AXDND1: variants seen among roughly 807,000 people sequenced by gnomAD.
AXDND1 encodes axonemal dynein light chain domain containing 1.
In AXDND1, 110 loss-of-function variants were observed where a neutral mutation model predicts 137.5. That is an observed-to-expected ratio of 0.80 (90% CI 0.69 to 0.94). AXDND1 has a LOEUF of 0.94. AXDND1 is among the 40% of genes least tolerant of loss of function. The probability of loss-of-function intolerance (pLI) is 0.00; values close to 1 mark genes in which losing one functional copy is unlikely to be tolerated. For missense variants in AXDND1, 1,191 were observed against 1,169.8 expected (o/e 1.02, Z -0.26); for synonymous variants, 414 against 399.7 (o/e 1.04, Z -0.43).
chr1:179,408,073 A>G (rs180913702), intron 11 of AXDND1, among the ~76,000 whole-genome samples: 1 of 152,088 alleles, frequency 6.6e-6, no homozygotes, highest in Admixed American at 6.5e-5. Context: ...TGTATTTTTT[A>G]TTACATTTAT....
intron 20 of AXDND1, among the ~76,000 whole-genome samples, chr1:179,504,887 G>A (rs1241820618): frequency 6.6e-6 from 1 of 152,182 alleles, no homozygotes; most frequent in East Asian, 1.9e-4. Context: ...CTATGCAAAG[G>A]CCTTCTTCTG....
chr1:179,515,665 G>A (rs1364630621), intron 21 of AXDND1, among the ~76,000 whole-genome samples: 1 of 151,926 alleles, frequency 6.6e-6, no homozygotes, highest in Non-Finnish European at 1.5e-5. Flanking sequence ...CCCCAAATAT[G>A]TTTTCCAAAC....
chr1:179,524,853 A>T (rs1670388143), intron 21 of AXDND1, among the ~76,000 whole-genome samples: 1 of 152,174 alleles, frequency 6.6e-6, no homozygotes. Flanking sequence ...TTAGAGCCTC[A>T]TTGCCTTCAG....
chr1:179,396,091 C>T (rs1036077099), intron 11 of AXDND1, among the ~76,000 whole-genome samples: 1 of 151,376 alleles, frequency 6.6e-6, no homozygotes, highest in Non-Finnish European at 1.5e-5. Flanking sequence ...ATTGCTTGAA[C>T]CCAGGAGGCA....
rs543470602 is a variant in AXDND1 at position 179,487,320 on chromosome 1, G to A, written c.2091+4099G>A. On this transcript the variant is annotated intron_variant, in intron 18 of 25. Coordinates refer to ENST00000367618, the MANE Select transcript of AXDND1 (RefSeq NM_144696.6). ...CTGGCCACTAAACGTTTTTTATTAT[G>A]TACCTCCATTAGCAAAAAGTCTTTG... Among the ~76,000 whole-genome samples, 88 of 148,028 alleles carry A rather than the reference G, an allele frequency of 5.9e-4. 9 individuals carry two copies. The highest frequency in any genetic ancestry group is 2.2e-3 in the African/African-American group (87 of 38,780).
rs1558079992 is a variant in AXDND1 at position 179,370,092 on chromosome 1, A to C, written c.374+14A>C. 1 of 1,573,274 alleles carries C rather than the reference A, an allele frequency of 6.4e-7. No individual in the cohort carries two copies. ...AGGAGCTGGAAGGTAAAGAAGGAAG[A>C]TAGTAGGATAGATGCTGATAAATAG... On this transcript the variant is annotated intron_variant, in intron 4 of 25. Coordinates refer to ENST00000367618, the MANE Select transcript of AXDND1 (RefSeq NM_144696.6).
chr1:179,505,856 C>T (rs1668491269), intron 20 of AXDND1, among the ~76,000 whole-genome samples: 1 of 152,108 alleles, frequency 6.6e-6, no homozygotes, highest in Non-Finnish European at 1.5e-5. Context: ...TACCATCCAC[C>T]TGATCCTGGC....
chr1:179,405,490 C>T (rs140844218), intron 11 of AXDND1, among the ~76,000 whole-genome samples: 85 of 152,230 alleles, frequency 5.6e-4, no homozygotes, highest in African/African-American at 1.8e-3. Flanking sequence ...CTTGAGGAAA[C>T]GCCACATCGT....
intron 16 of AXDND1, among the ~76,000 whole-genome samples, chr1:179,465,083 A>G (rs12129401): frequency 0.54 from 82,260 of 151,894 alleles, 22,479 homozygotes; most frequent in African/African-American, 0.61. Context: ...GCTCAGAGAA[A>G]TTTGTTATTA....
chr1:179,377,840 G>A (rs566848713), intron 4 of AXDND1, among the ~76,000 whole-genome samples: 3 of 152,170 alleles, frequency 2.0e-5, no homozygotes, highest in Admixed American at 1.3e-4. Flanking sequence ...ACAAGTGATC[G>A]ATGATAGATC....
At chr1:179,461,627 T>C (rs999741259) in intron 16 of AXDND1, among the ~76,000 whole-genome samples, 2 of 152,222 alleles carry the variant, frequency 1.3e-5, no homozygotes, top group Non-Finnish European at 2.9e-5. Flanking sequence ...ATTGAATCTA[T>C]AAATTACCTT....
intron 25 of AXDND1, among the ~76,000 whole-genome samples, chr1:179,552,869 G>A (rs1438426950): frequency 6.6e-6 from 1 of 152,208 alleles, no homozygotes; most frequent in Non-Finnish European, 1.5e-5. Context: ...TGCCTCAAAT[G>A]CAGTTTTGTA....
At chr1:179,421,457 C>T (rs1481906143) in intron 12 of AXDND1, among the ~76,000 whole-genome samples, 2 of 144,998 alleles carry the variant, frequency 1.4e-5, no homozygotes, top group East Asian at 4.1e-4. Context: ...GATCTCAGCT[C>T]ACTGCAACCT....
chr1:179,372,140 C>T (rs975946708), intron 4 of AXDND1, among the ~76,000 whole-genome samples: 12 of 152,126 alleles, frequency 7.9e-5, no homozygotes, highest in African/African-American at 1.9e-4. Flanking sequence ...GTATGCATAA[C>T]GAGATAACTT....
At position 179,371,619 on chromosome 1, in the gene AXDND1, C is replaced by T. The variant is rs559747806; in HGVS notation, c.374+1541C>T. 1.7e-4 allele frequency among the ~76,000 whole-genome samples: 26 copies of T among 152,136 alleles called. No individual in the cohort carries two copies. In the South Asian group the frequency reaches 4.8e-3, roughly 28 times the overall value. ...TTTACAGATATGATGAAAGTAAGGA[C>T]ATTGAAATGGATAGATTATCTTAGA... On this transcript the variant is annotated intron_variant, in intron 4 of 25. Coordinates refer to ENST00000367618, the MANE Select transcript of AXDND1 (RefSeq NM_144696.6).
At chr1:179,461,112 A>G (rs993400818) in intron 16 of AXDND1, among the ~76,000 whole-genome samples, 1 of 152,148 alleles carries the variant, frequency 6.6e-6, no homozygotes, top group African/African-American at 2.4e-5. Flanking sequence ...TGTTTTAGTC[A>G]TGAAGTTCTT....
At chr1:179,449,134 C>T (rs1403871494) in intron 16 of AXDND1, 1 of 454,590 alleles carries the variant, frequency 2.2e-6, no homozygotes, top group Non-Finnish European at 4.4e-6. Flanking sequence ...GATCATCCCA[C>T]TTCAGCCCCC....
intron 16 of AXDND1, chr1:179,448,093 T>C: frequency 9.7e-7 from 1 of 1,025,940 alleles, no homozygotes; most frequent in Non-Finnish European, 1.5e-6. Context: ...CATCATATTA[T>C]CAAATTCCTC....
intron 12 of AXDND1, among the ~76,000 whole-genome samples, chr1:179,419,265 C>A (rs1295578984): frequency 6.6e-6 from 1 of 151,924 alleles, no homozygotes; most frequent in Non-Finnish European, 1.5e-5. Flanking sequence ...CCAAGGCAGG[C>A]GGCTGGGAGG....
Sources: gnomAD v4.1 joint callset for allele counts (sites outside exome capture counted in the v4.1 genomes callset) on GRCh38, gnomAD v4.1.1 for gene constraint, MANE v1.5 for transcripts, NCBI Gene and HGNC (gene_info 2026-07-23, HGNC 2026-07-21) for gene names.